Variants in USP34 observed in about 807,000 individuals in gnomAD.
The protein encoded by USP34 is ubiquitin specific peptidase 34.
Under a neutral mutation model 460.3 loss-of-function variants are expected in USP34, and 70 were observed. The ratio of observed to expected loss-of-function variants is 0.15; its 90% CI spans 0.13 to 0.19. The LOEUF (loss-of-function observed/expected upper bound fraction) is 0.19. Ranked by LOEUF, USP34 falls within the 10% of genes least tolerant of loss-of-function variation. The probability of loss-of-function intolerance (pLI) is 1.00; values close to 1 mark genes in which losing one functional copy is unlikely to be tolerated. For missense variants in USP34, 3,985 were observed against 4,236.2 expected, an observed-to-expected ratio of 0.94 and a Z score of 1.65; for synonymous variants, 1,647 against 1,405.3, an observed-to-expected ratio of 1.17 and a Z score of -3.85.
intron 10 of USP34, among the ~76,000 whole-genome samples, chr2:61,356,502 C>A (rs957218599): frequency 2.0e-5 from 3 of 150,852 alleles, no homozygotes; most frequent in African/African-American, 7.4e-5. Context: ...CACACACATA[C>A]ACACACACAC....
chr2:61,265,779 T>C, intron 42 of USP34: 1 of 703,876 alleles, frequency 1.4e-6, no homozygotes, highest in Non-Finnish European at 2.0e-6. Flanking sequence ...CAAATTACTT[T>C]TACAGAAAAA....
At chr2:61,238,284 T>G (rs1688130477) in intron 53 of USP34, among the ~76,000 whole-genome samples, 1 of 152,210 alleles carries the variant, frequency 6.6e-6, no homozygotes, top group East Asian at 1.9e-4. Flanking sequence ...GGTCACTTTT[T>G]GGCTTCCAAA....
chr2:61,439,273 C>T (rs1427036536), intron 1 of USP34, among the ~76,000 whole-genome samples: 1 of 152,106 alleles, frequency 6.6e-6, no homozygotes, highest in African/African-American at 2.4e-5. Flanking sequence ...GTTATGTGCC[C>T]CCTCCTCCTG....
At position 61,230,466 on chromosome 2, in the gene USP34, G is replaced by C. The variant is rs118113296; in HGVS notation, c.7114-833C>G. 3.3e-3 allele frequency among the ~76,000 whole-genome samples: 506 copies of C among 152,262 alleles called. 22 individuals are homozygous for C. The East Asian group carries it at 0.085, about 26-fold the overall frequency. On this transcript the variant is annotated intron_variant, in intron 58 of 79. Transcript: ENST00000398571. ...GTGAAGCCGGGAGGTGGCGGTTGCAGTGAGACGTGATCACGCCATTGCACT... is the reference window on the plus strand; with the variant it reads ...GTGAAGCCGGGAGGTGGCGGTTGCACTGAGACGTGATCACGCCATTGCACT...
At chr2:61,385,028 TAAAC>T (rs1693093016) in intron 5 of USP34, among the ~76,000 whole-genome samples, 1 of 152,142 alleles carries the variant, frequency 6.6e-6, no homozygotes, top group African/African-American at 2.4e-5. Context: ...TAGGTTAATA[TAAAC>T]AAATATGCAC....
At chr2:61,221,955 T>C (rs1687600778) in intron 65 of USP34, 1 of 168,958 alleles carries the variant, frequency 5.9e-6, no homozygotes. Context: ...GCTAATCACA[T>C]ATGCATTACC....
intron 78 of USP34, 107 bp downstream of exon 78, chr2:61,190,164 G>A (rs1247147797): frequency 6.8e-7 from 1 of 1,460,458 alleles, no homozygotes; most frequent in Non-Finnish European, 9.1e-7. Flanking sequence ...TGGCTTAAGA[G>A]TTTGAATCAG....
chr2:61,293,899 C>G (rs1445544401), intron 32 of USP34, among the ~76,000 whole-genome samples: 1 of 152,062 alleles, frequency 6.6e-6, no homozygotes, highest in Admixed American at 6.5e-5. Context: ...CCTATAGTTT[C>G]AGCTACTAGG....
At chr2:61,312,805 T>C (rs932445299) in intron 25 of USP34, among the ~76,000 whole-genome samples, 6 of 152,162 alleles carry the variant, frequency 3.9e-5, no homozygotes, top group African/African-American at 1.4e-4. Flanking sequence ...ACCAATAACA[T>C]GCTCTCTTGC....
At chr2:61,211,228 T>C (rs1014766763) in intron 69 of USP34, among the ~76,000 whole-genome samples, 2 of 152,178 alleles carry the variant, frequency 1.3e-5, no homozygotes, top group African/African-American at 4.8e-5. Flanking sequence ...ATGTAATACA[T>C]AGAAGAATTT....
rs138182957 is a variant in USP34, at chr2:61,241,944, C to T, written c.6628-125G>A. The T allele has an allele frequency of 7.6e-5, 41 of 537,714 alleles. No homozygotes were observed. The East Asian group carries it at 1.2e-3, about 16-fold the overall frequency. The allele number at this position is 537,714 out of a possible 1,614,324, so 33.3% of individuals were successfully genotyped here. ...AGTAACTTTGTAAGTAGTTTTCAAA[C>T]ACCGCCGCCTTCATAAAAATTCTAC... On this transcript the variant is annotated intron_variant, in intron 51 of 79. Coordinates refer to ENST00000398571, the MANE Select transcript of USP34 (RefSeq NM_014709.4).
In USP34 at chr2:61,317,757, A is replaced by T. The variant is rs1430178018; in HGVS notation, c.3179T>A (p.Leu1060Gln). 2 of 1,613,782 alleles carry T rather than the reference A, an allele frequency of 1.2e-6. No individual in the cohort carries two copies. The highest frequency in any genetic ancestry group is 1.1e-5 in the South Asian group (1 of 90,934). ...KHLFLEKMPQ[L>Q]KPETISMTGL... is the part of the protein sequence containing the mutation. ...AGTCATGCTAATTGTTTCAGGTTTTAGCTGGGGCATCTTTGGAAGGGTAGG... is the reference window on the plus strand; with the variant it reads ...AGTCATGCTAATTGTTTCAGGTTTTTGCTGGGGCATCTTTGGAAGGGTAGG... The change falls in exon 23 of 80, where the codon CTA (leucine) becomes CAA (glutamine). Residue 1060 changes from leucine (L) to glutamine (Q), a missense_variant. Around this residue, in one of 14 missense-constraint regions of USP34, gnomAD observed 1,114 missense variants for 1,122.5 expected, o/e 0.99. Coordinates refer to ENST00000398571, the MANE Select transcript of USP34 (RefSeq NM_014709.4).
intron 67 of USP34, among the ~76,000 whole-genome samples, chr2:61,219,969 C>CA (rs1213203511): frequency 1.3e-5 from 2 of 151,594 alleles, no homozygotes; most frequent in African/African-American, 4.8e-5. Context: ...TATTTTCTCT[C>CA]AGCTTATGTC....
In USP34 at chr2:61,227,234, A is replaced by T; in HGVS notation, c.7444-16T>A. 1 of 1,596,212 alleles carries T rather than the reference A, an allele frequency of 6.3e-7. No homozygotes were observed. The highest frequency in any genetic ancestry group is 2.3e-5 in the East Asian group (1 of 43,850). Reference sequence around the variant, plus strand: ...CAACTTGAGGCTAAGTTGGAATAAAATTCAATTTTAATACGGTAGTAGTTT... The same window carrying T: ...CAACTTGAGGCTAAGTTGGAATAAATTTCAATTTTAATACGGTAGTAGTTT... On this transcript the variant is annotated splice_polypyrimidine_tract_variant and intron_variant, in intron 61 of 79. Coordinates refer to ENST00000398571, the MANE Select transcript of USP34 (RefSeq NM_014709.4).
At chr2:61,382,018 GTAT>G (rs747869355) in intron 6 of USP34, among the ~76,000 whole-genome samples, 47 of 152,024 alleles carry the variant, frequency 3.1e-4, no homozygotes, top group Non-Finnish European at 5.9e-4. Context: ...ATAATGACCA[GTAT>G]TATTGATTTT....
At chr2:61,247,258 T>C (rs1688440833) in intron 49 of USP34, among the ~76,000 whole-genome samples, 1 of 152,154 alleles carries the variant, frequency 6.6e-6, no homozygotes. Context: ...AATAAGGAAA[T>C]GATGAGATCT....
chr2:61,342,162 C>G (rs1440606904), intron 16 of USP34, among the ~76,000 whole-genome samples: 1 of 152,106 alleles, frequency 6.6e-6, no homozygotes, highest in Non-Finnish European at 1.5e-5. Context: ...GCTCCACATT[C>G]TAATGTCAAT....
intron 27 of USP34, among the ~76,000 whole-genome samples, chr2:61,310,801 GTAA>G (rs1035055780): frequency 6.6e-5 from 10 of 151,880 alleles, no homozygotes; most frequent in Non-Finnish European, 4.4e-5. Flanking sequence ...AAATGGAAAT[GTAA>G]TACATGAAAA....
At chr2:61,264,318 G>A (rs1223853068) in intron 43 of USP34, among the ~76,000 whole-genome samples, 3 of 152,068 alleles carry the variant, frequency 2.0e-5, no homozygotes, top group Non-Finnish European at 2.9e-5. Context: ...TACTTAACAG[G>A]GAAAAAGAAA....
Sources: gnomAD v4.1 joint callset for allele counts (sites outside exome capture counted in the v4.1 genomes callset) on GRCh38, gnomAD v4.1.1 for gene constraint, gnomAD v4.1.1 regional missense constraint, MANE v1.5 for transcripts, NCBI Gene and HGNC (gene_info 2026-07-23, HGNC 2026-07-21) for gene names.